The following NOP14 variants were observed in gnomAD, a reference collection of about 807,000 sequenced individuals.
The protein encoded by NOP14 is NOP14 nucleolar protein.
NOP14 carries 57 observed loss-of-function variants against 101.6 expected under a neutral mutation model. The observed-to-expected ratio is 0.56, with a 90% confidence interval of 0.45 to 0.70. The LOEUF (loss-of-function observed/expected upper bound fraction) is 0.70, where lower values mean the gene tolerates loss of function less well. NOP14 is among the 30% of genes least tolerant of loss of function. The pLI, the probability that NOP14 is intolerant of heterozygous loss-of-function variation, is 0.00. For synonymous variants in NOP14, 428 were observed against 424.0 expected, an observed-to-expected ratio of 1.01 and a Z score of -0.12; for missense variants, 1,134 against 1,075.5, an observed-to-expected ratio of 1.05 and a Z score of -0.76.
chr4:2,939,843 C>T (rs893489745), intron 15 of NOP14, among the ~76,000 whole-genome samples, 198 bp from the exon 16 acceptor site: 7 of 152,182 alleles, frequency 4.6e-5, no homozygotes, highest in Non-Finnish European at 7.3e-5. Flanking sequence ...CTGGCACAGC[C>T]GGAACGAAGT....
chr4:2,960,773 ATTAATATTATAAT>A (rs1715725641), intron 1 of NOP14, among the ~76,000 whole-genome samples: 1 of 129,132 alleles, frequency 7.7e-6, no homozygotes, highest in Non-Finnish European at 1.6e-5. Context: ...ATATTAATAT[ATTAATATTATAAT>A]CACATTAATA....
chr4:2,939,215 C>G lies in NOP14; in HGVS notation c.2447G>C (p.Arg816Thr). 1 of 1,614,010 alleles carries G rather than the reference C, an allele frequency of 6.2e-7. No individual in the cohort carries two copies. The highest frequency in any genetic ancestry group is 8.5e-7 in the Non-Finnish European group (1 of 1,180,038). ...TTCCATGATTTCTGAGAGTTGCATC[C>G]TCGCCAGGAACTGATTGTCCTTGCG... Reference protein sequence around the residue: ...EIRKDNQFLARMQLSEIMERD... With the variant: ...EIRKDNQFLATMQLSEIMERD... Residue 816 changes from arginine to threonine, a missense_variant, in exon 17 of 18, where the codon AGG (arginine) becomes ACG (threonine). Coordinates refer to ENST00000416614, the MANE Select transcript of NOP14 (RefSeq NM_001291978.2).
intron 3 of NOP14, among the ~76,000 whole-genome samples, chr4:2,955,459 C>T (rs1293141869): frequency 7.5e-6 from 1 of 133,502 alleles, no homozygotes; most frequent in African/African-American, 2.8e-5. Context: ...ACCACAGCGC[C>T]CCCTCTAGTC....
Position 2,942,328 on chromosome 4 carries a change from T to C in NOP14, c.1915A>G (p.Arg639Gly), listed in dbSNP as rs111772006. Residue 639 changes from arginine (R) to glycine (G), a missense_variant, in exon 14 of 18, where the codon AGA becomes GGA. By Grantham distance (125) the Arg-to-Gly change is moderately radical. Transcript: ENST00000416614. Reference sequence around the variant, plus strand: ...AGTTCCGAGTTCTTCCCAAGCGCTCTGAAAGGGTGCACCAGAGTGGAACCT... The same window carrying C: ...AGTTCCGAGTTCTTCCCAAGCGCTCCGAAAGGGTGCACCAGAGTGGAACCT... ...SQGSTLVHPF[R>G]ALGKNSELLV... 6.2e-7 allele frequency: 1 copy of C among 1,614,046 alleles called. No homozygotes were observed. Among genetic ancestry groups the C allele is most frequent in the South Asian group, 1.1e-5 (1 of 91,072 alleles).
chr4:2,957,588 T>C lies in NOP14; in HGVS notation c.330+18A>G, dbSNP rs778266608. The C allele has an allele frequency of 1.9e-6, 3 of 1,613,304 alleles. No individual in the cohort carries two copies. In the Admixed American group the frequency reaches 5.0e-5, roughly 27 times the overall value. The stretch of plus-strand genomic sequence containing the variant: ...GTGAAATGTACAGCAAAAACCCTCC[T>C]CCAGTTTCTTTCCATACCTGCTGTT... On this transcript the variant is annotated intron_variant, in intron 2 of 17. Transcript: ENST00000416614.
chr4:2,947,291 A>C (rs1252506318), intron 10 of NOP14: 2 of 553,122 alleles, frequency 3.6e-6, no homozygotes, highest in African/African-American at 1.9e-5. Flanking sequence ...TTCAAAATCA[A>C]CTTGTTTGTG....
Position 2,956,717 on chromosome 4 carries a change from T to C in NOP14, c.425A>G (p.Asp142Gly), listed in dbSNP as rs1267029627. 6.2e-7 allele frequency: 1 copy of C among 1,613,772 alleles called. No individual in the cohort carries two copies. The highest frequency in any genetic ancestry group is 1.7e-5 in the Admixed American group (1 of 59,968). Residue 142 changes from aspartate to glycine, a missense_variant, in exon 3 of 18, where the codon GAC becomes GGC. Transcript: ENST00000416614. ...QSLADIEKHNDIVDSDSDAED... is the reference protein window; with the variant it reads ...QSLADIEKHNGIVDSDSDAED... Reference sequence around the variant, plus strand: ...AGCATCGCTGTCACTGTCCACAATGTCATTATGCTTCTCGATGTCTGCCAA... The same window carrying C: ...AGCATCGCTGTCACTGTCCACAATGCCATTATGCTTCTCGATGTCTGCCAA...
At chr4:2,961,658 C>T (rs564906818) in intron 1 of NOP14, 1 of 152,420 alleles carries the variant, frequency 6.6e-6, no homozygotes, top group Admixed American at 6.5e-5. Context: ...GCATGTGTGT[C>T]CTCTGCCCAC....
At chr4:2,939,440 C>T (rs1008756422) in intron 16 of NOP14, 87 bp downstream of exon 16, 1 of 1,599,916 alleles carries the variant, frequency 6.3e-7, no homozygotes, top group Non-Finnish European at 8.6e-7. Context: ...TAGTCATCTG[C>T]TCAACTGCAG....
chr4:2,954,464 T>C lies in NOP14; in HGVS notation c.572A>G (p.Glu191Gly). ...CTTGGCAATGAGCTCTTCAATCAGC[T>C]CTTTCCGGGACTTCGGTTTCTCCCG... ...EEREKPKSRK[E>G]LIEELIAKSK... The change falls in exon 4 of 18, where the codon GAG becomes GGG. Residue 191 changes from glutamate to glycine, a missense_variant. Transcript: ENST00000416614. 1 of 1,614,156 alleles carries C rather than the reference T, an allele frequency of 6.2e-7. No individual in the cohort carries two copies. The highest frequency in any genetic ancestry group is 8.5e-7 in the Non-Finnish European group (1 of 1,180,004).
Position 2,938,515 on chromosome 4 carries a change from ATTTT to A in NOP14, c.*312_*315del, listed in dbSNP as rs1054621229. ...GCAAAACTCCGTCTCAAAAAAAAAAATTTTTTTTTAAGCGACACAGTCTTGCACT... is the reference window on the plus strand; with the variant it reads ...GCAAAACTCCGTCTCAAAAAAAAAAATTTTTAAGCGACACAGTCTTGCACT... On this transcript the variant is annotated 3_prime_UTR_variant, in exon 18 of 18. Coordinates refer to ENST00000416614, the MANE Select transcript of NOP14 (RefSeq NM_001291978.2). The A allele has an allele frequency of 2.8e-6, 1 of 355,498 alleles. No individual in the cohort carries two copies. Among genetic ancestry groups the A allele is most frequent in the Non-Finnish European group, 5.3e-6 (1 of 187,866 alleles). 22.0% of individuals were successfully genotyped at this position (355,498 alleles called of 1,614,324 possible).
intron 13 of NOP14, among the ~76,000 whole-genome samples, chr4:2,943,094 C>A (rs1464003871): frequency 6.6e-6 from 1 of 152,230 alleles, no homozygotes; most frequent in African/African-American, 2.4e-5. Context: ...AGGTGGCTCT[C>A]CCGGAGGCAG....
At chr4:2,960,220 C>T (rs1715635902) in intron 1 of NOP14, among the ~76,000 whole-genome samples, 1 of 152,066 alleles carries the variant, frequency 6.6e-6, no homozygotes. Context: ...AATCTGCCTG[C>T]CTCGGCCTCC....
In NOP14 at chr4:2,938,722, G is replaced by A. The variant is rs1259272470; in HGVS notation, c.*109C>T. 11 of 822,728 alleles carry A rather than the reference G, an allele frequency of 1.3e-5. No individual in the cohort carries two copies. The highest frequency in any genetic ancestry group is 2.0e-5 in the Non-Finnish European group (10 of 508,440). The allele number at this position is 822,728 out of a possible 1,614,324, so 51.0% of individuals were successfully genotyped here. ...GGGGTCTTCCTGTGTTGCCCAGGCT[G>A]GTCTCGAACTCCTGGGCTGAAGCAA... On this transcript the variant is annotated 3_prime_UTR_variant, in exon 18 of 18. Transcript: ENST00000416614.
Position 2,952,299 on chromosome 4 carries a change from C to T in NOP14, c.846G>A (p.Glu282=), listed in dbSNP as rs759665406. ...CCTCCAGCTTCCTGAGGTGCTCCTG[C>T]TCTTCCTTTGCCAATTCTGCCTCCG... ...MKTEAELAKE[E]QEHLRKLEAE... is the part of the protein sequence containing the mutation. The change falls in exon 6 of 18, where the codon GAG becomes GAA. Residue 282 remains glutamate, a synonymous_variant. Coordinates refer to ENST00000416614, the MANE Select transcript of NOP14 (RefSeq NM_001291978.2). 2 of 1,613,840 alleles carry T rather than the reference C, an allele frequency of 1.2e-6. No individual in the cohort carries two copies. Among genetic ancestry groups the T allele is most frequent in the South Asian group, 1.1e-5 (1 of 91,072 alleles).
At chr4:2,938,966 T>A in intron 17 of NOP14, 36 bp from the exon 18 acceptor site, 2 of 1,590,830 alleles carry the variant, frequency 1.3e-6, no homozygotes, top group Non-Finnish European at 8.6e-7. Flanking sequence ...CATTTTTGGA[T>A]TAGTTCTTGG....
At chr4:2,947,346 T>C (rs868224047) in intron 10 of NOP14, 180 bp downstream of exon 10, 17 of 598,568 alleles carry the variant, frequency 2.8e-5, no homozygotes, top group Admixed American at 6.1e-5. Flanking sequence ...GCGGCACGTG[T>C]GAGAAGCCGG....
At chr4:2,959,119 TG>T (rs1172085578) in intron 1 of NOP14, among the ~76,000 whole-genome samples, 9 of 152,214 alleles carry the variant, frequency 5.9e-5, no homozygotes, top group Admixed American at 5.9e-4. Flanking sequence ...AAAACCCCTC[TG>T]CTACCTGAAG....
intron 13 of NOP14, among the ~76,000 whole-genome samples, 191 bp downstream of exon 13, chr4:2,943,882 C>T (rs1298077874): frequency 6.6e-6 from 1 of 152,246 alleles, no homozygotes; most frequent in Non-Finnish European, 1.5e-5. Context: ...CAGCACAGGT[C>T]ACCGGTAGCA....
Sources: allele counts gnomAD v4.1 joint callset (sites outside exome capture counted in the v4.1 genomes callset), GRCh38; gene constraint gnomAD v4.1.1; transcripts MANE v1.5; gene names NCBI Gene and HGNC (gene_info 2026-07-23, HGNC 2026-07-21).